Variants in SERINC1 observed in about 807,000 individuals in gnomAD.
The protein encoded by SERINC1 is tumor differentially expressed protein 2.
Under a neutral mutation model 52.9 loss-of-function variants are expected in SERINC1, and 38 were observed. The ratio of observed to expected loss-of-function variants is 0.72; its 90% CI spans 0.55 to 0.94. SERINC1 has a LOEUF of 0.94. SERINC1 is among the 40% of genes least tolerant of loss of function. The pLI, the probability that SERINC1 is intolerant of heterozygous loss-of-function variation, is 0.00. For missense variants in SERINC1, 471 were observed against 533.9 expected (o/e 0.88, Z 1.16); for synonymous variants, 198 against 183.1 (o/e 1.08, Z -0.66).
intron 1 of SERINC1, among the ~76,000 whole-genome samples, chr6:122,465,881 T>C (rs896362361): frequency 6.6e-6 from 1 of 151,982 alleles, no homozygotes; most frequent in African/African-American, 2.4e-5. Flanking sequence ...AAGATAAAAA[T>C]AAAGATTTTT....
At position 122,456,606 on chromosome 6, in the gene SERINC1, G is replaced by A; in HGVS notation, c.246C>T (p.Asn82=). The change falls in exon 3 of 10, where the codon AAC becomes AAT. Residue 82 remains asparagine (N), a synonymous_variant. Coordinates refer to ENST00000339697, the MANE Select transcript of SERINC1 (RefSeq NM_020755.4). ...ATACAGCTTTATAGCCAACCAAAAT[G>A]TTACAAGGGACAACACCTTTCTCAT... The part of the protein sequence containing the change: ...CENEKGVVPC[N]ILVGYKAVYR... 1.9e-6 allele frequency: 3 copies of A among 1,611,482 alleles called. No individual in the cohort carries two copies. Among genetic ancestry groups the A allele is most frequent in the Non-Finnish European group, 1.7e-6 (2 of 1,178,732 alleles).
chr6:122,448,604 C>CA (rs1227423013), intron 7 of SERINC1, among the ~76,000 whole-genome samples: 1 of 152,014 alleles, frequency 6.6e-6, no homozygotes, highest in Non-Finnish European at 1.5e-5. Flanking sequence ...GTAAGGTAGT[C>CA]ACAGGCTAAA....
Position 122,443,484 on chromosome 6 carries a change from A to G in SERINC1, c.*1560T>C, listed in dbSNP as rs1374352102. On this transcript the variant is annotated 3_prime_UTR_variant, in exon 10 of 10. Transcript: ENST00000339697. ...CATTCACATTAATAAATATTTTTAA[A>G]GAAGAAATTGTAGATTTTAAAAGCT... The G allele has an allele frequency of 6.6e-6, 1 of 152,228 alleles. No homozygotes were observed. The highest frequency in any genetic ancestry group is 1.5e-5 in the Non-Finnish European group (1 of 68,028). The allele number at this position is 152,228 out of a possible 1,614,324, so 9.4% of individuals were successfully genotyped here.
chr6:122,445,186 T>G lies in SERINC1; in HGVS notation c.1227-7A>C. On this transcript the variant is annotated splice_polypyrimidine_tract_variant and splice_region_variant and intron_variant, in intron 9 of 9. Coordinates refer to ENST00000339697, the MANE Select transcript of SERINC1 (RefSeq NM_020755.4). The stretch of plus-strand genomic sequence containing the variant: ...CTCACGAGAGGGTTCATACCTAAAA[T>G]TTCAGGGAAAATTATTAAAAAGGGG... 1 of 1,608,822 alleles carries G rather than the reference T, an allele frequency of 6.2e-7. No individual in the cohort carries two copies. Among genetic ancestry groups the G allele is most frequent in the African/African-American group, 1.3e-5 (1 of 74,708 alleles).
At chr6:122,447,327 CAA>C in intron 7 of SERINC1, 62 bp from the exon 8 acceptor site, 1 of 1,375,708 alleles carries the variant, frequency 7.3e-7, no homozygotes, top group South Asian at 1.2e-5. Flanking sequence ...TCAGAGCAAA[CAA>C]AAGTTATTTT....
chr6:122,461,676 T>C (rs1190829516), intron 1 of SERINC1, among the ~76,000 whole-genome samples: 1 of 151,966 alleles, frequency 6.6e-6, no homozygotes, highest in Non-Finnish European at 1.5e-5. Context: ...AAAAAGAATT[T>C]TATACTCAGT....
intron 7 of SERINC1, among the ~76,000 whole-genome samples, chr6:122,448,426 C>T (rs1479211567): frequency 6.6e-6 from 1 of 152,106 alleles, no homozygotes; most frequent in African/African-American, 2.4e-5. Flanking sequence ...ATTCATATAA[C>T]ATCAGATAAA....
rs989268142 is a variant in SERINC1, at chr6:122,443,524, T to C, written c.*1520A>G. The C allele has an allele frequency of 6.6e-6, 1 of 152,226 alleles. No homozygotes were observed. The highest frequency in any genetic ancestry group is 1.5e-5 in the Non-Finnish European group (1 of 68,030). The allele number at this position is 152,226 out of a possible 1,614,324, so 9.4% of individuals were successfully genotyped here. On this transcript the variant is annotated 3_prime_UTR_variant, in exon 10 of 10. Transcript: ENST00000339697. ...TTTTAAAAGCTTCATTAGACACTAG[T>C]GACACATACAAATAACTAAACTCTC...
Position 122,452,003 on chromosome 6 carries a change from A to G in SERINC1, c.644T>C (p.Leu215Pro). ...TGGATGAGTGTAGTAGACAAAGAAC[A>G]GGACGATAGCAACTAAAGACAGCAG... is the stretch of plus-strand genomic sequence containing the variant. ...NYLLSLVAIV[L>P]FFVYYTHPAS... Residue 215 changes from leucine to proline, a missense_variant, in exon 6 of 10, where the codon CTG becomes CCG. Transcript: ENST00000339697. The G allele has an allele frequency of 6.3e-7, 1 of 1,588,344 alleles. No homozygotes were observed. The highest frequency in any genetic ancestry group is 2.4e-5 in the East Asian group (1 of 42,260).
intron 1 of SERINC1, among the ~76,000 whole-genome samples, chr6:122,468,527 T>C (rs1408963388): frequency 6.6e-6 from 1 of 152,228 alleles, no homozygotes; most frequent in African/African-American, 2.4e-5. Flanking sequence ...ATGTTAACAT[T>C]TAAGAATTAC....
At chr6:122,456,755 T>A (rs1413526519) in intron 2 of SERINC1, 105 bp from the exon 3 acceptor site, 2 of 812,522 alleles carry the variant, frequency 2.5e-6, no homozygotes, top group African/African-American at 3.5e-5. Context: ...AAACTGGCAT[T>A]TGCTTTACAA....
rs142167407 is a variant in SERINC1 at position 122,459,585 on chromosome 6, A to G, written c.40-904T>C. Among the ~76,000 whole-genome samples the G allele has an allele frequency of 2.5e-4, 38 of 152,338 alleles. No individual in the cohort carries two copies. The East Asian group carries it at 6.9e-3, about 28-fold the overall frequency. ...GCAACTATGTAAATATACTTTAGCA[A>G]AAGTTAAACATAAACATCTCCCCTC... On this transcript the variant is annotated intron_variant, in intron 1 of 9. Coordinates refer to ENST00000339697, the MANE Select transcript of SERINC1 (RefSeq NM_020755.4).
At chr6:122,449,346 A>G (rs796134081) in intron 7 of SERINC1, among the ~76,000 whole-genome samples, 3 of 152,378 alleles carry the variant, frequency 2.0e-5, no homozygotes, top group African/African-American at 7.2e-5. Context: ...CAAAGAAAAG[A>G]AAAAGTTCTT....
chr6:122,452,226 G>C (rs759851638), intron 5 of SERINC1, among the ~76,000 whole-genome samples, 169 bp from the exon 6 acceptor site: 1 of 152,104 alleles, frequency 6.6e-6, no homozygotes, highest in Non-Finnish European at 1.5e-5. Flanking sequence ...AATTAATTCT[G>C]ACCTTTATTG....
chr6:122,468,638 CCACCCATGTGTATACAAATACACAATG>C (rs1478059167), intron 1 of SERINC1, among the ~76,000 whole-genome samples: 2 of 151,910 alleles, frequency 1.3e-5, no homozygotes, highest in East Asian at 3.9e-4. Flanking sequence ...GTCTATTCAT[CCACCCATGTGTATACAAATACACAATG>C]CACCCATGCA....
chr6:122,464,824 T>C (rs1181172778), intron 1 of SERINC1, among the ~76,000 whole-genome samples: 1 of 152,178 alleles, frequency 6.6e-6, no homozygotes, highest in Non-Finnish European at 1.5e-5. Context: ...GAGCACTGGT[T>C]CTCAAACTGT....
intron 7 of SERINC1, among the ~76,000 whole-genome samples, chr6:122,448,947 C>A (rs1387676592): frequency 6.6e-6 from 1 of 152,100 alleles, no homozygotes; most frequent in African/African-American, 2.4e-5. Context: ...TAATATTTCA[C>A]AATTTGTCAT....
intron 1 of SERINC1, among the ~76,000 whole-genome samples, chr6:122,460,373 C>T (rs1380029071): frequency 2.0e-5 from 3 of 152,148 alleles, no homozygotes; most frequent in Admixed American, 2.0e-4. Context: ...CCGCGCCCAG[C>T]CAAGTGGCCC....
intron 1 of SERINC1, among the ~76,000 whole-genome samples, chr6:122,461,231 A>G (rs543035754): frequency 7.8e-4 from 119 of 152,250 alleles, no homozygotes; most frequent in African/African-American, 2.7e-3. Context: ...ATAAACATGA[A>G]AACCACACCA....
Sources: gnomAD v4.1 joint callset for allele counts (sites outside exome capture counted in the v4.1 genomes callset) on GRCh38, gnomAD v4.1.1 for gene constraint, MANE v1.5 for transcripts, NCBI Gene and HGNC (gene_info 2026-07-23, HGNC 2026-07-21) for gene names.